KIF21A: variants seen among roughly 807,000 people sequenced by gnomAD.
KIF21A encodes the protein kinesin family member 21A.
Under a neutral mutation model 202.9 loss-of-function variants are expected in KIF21A, and 114 were observed. That is an observed-to-expected ratio of 0.56 (90% CI 0.48 to 0.66). KIF21A has a LOEUF of 0.66. Among genes scored for constraint, KIF21A ranks in the 30% least tolerant of loss-of-function variants. The pLI, the probability that KIF21A is intolerant of heterozygous loss-of-function variation, is 0.00. For synonymous variants in KIF21A, 667 were observed against 670.8 expected, an observed-to-expected ratio of 0.99 and a Z score of 0.09; for missense variants, 1,677 against 1,994.9, an observed-to-expected ratio of 0.84 and a Z score of 3.04.
intron 1 of KIF21A, among the ~76,000 whole-genome samples, chr12:39,404,137 T>A (rs1952393802): frequency 6.6e-6 from 1 of 152,112 alleles, no homozygotes; most frequent in Non-Finnish European, 1.5e-5. Flanking sequence ...GTGCAGTGGC[T>A]ATCCACAGAC....
Position 39,370,195 on chromosome 12 carries a change from T to C in KIF21A, c.111A>G (p.Gly37=). The C allele has an allele frequency of 5.6e-6, 9 of 1,613,786 alleles. No homozygotes were observed. Among genetic ancestry groups the C allele is most frequent in the Non-Finnish European group, 7.6e-6 (9 of 1,179,782 alleles). Residue 37 remains glycine (G), a synonymous_variant, in exon 2 of 38, where the codon GGA becomes GGG. Coordinates refer to ENST00000361418, the MANE Select transcript of KIF21A (RefSeq NM_001173464.2). ...CTTTCCCTAGGAAGACCTGAGGCTC[T>C]CCTGGTGTGACAGATGTACAAATAT... ...GCHICTSVTP[G]EPQVFLGKDK... is the part of the protein sequence containing the mutation.
intron 1 of KIF21A, among the ~76,000 whole-genome samples, chr12:39,438,581 A>C (rs868772121): frequency 1.3e-5 from 2 of 152,174 alleles, no homozygotes; most frequent in Non-Finnish European, 2.9e-5. Context: ...GGTAAGGTGA[A>C]AACCTAGCAA....
intron 26 of KIF21A, among the ~76,000 whole-genome samples, chr12:39,324,600 G>C (rs979554698): frequency 1.3e-5 from 2 of 152,144 alleles, no homozygotes; most frequent in African/African-American, 4.8e-5. Flanking sequence ...TTAATAATCC[G>C]TGAAATCTAT....
In KIF21A at chr12:39,443,043, C is replaced by T; in HGVS notation, c.-73G>A. On this transcript the variant is annotated 5_prime_UTR_variant, in exon 1 of 38. Transcript: ENST00000361418. Reference sequence around the variant, plus strand: ...CTGAGGCGCCACTGGGGCCGCGGGACTCGGGCGCAGTAGGCTGGGGCGTCT... The same window carrying T: ...CTGAGGCGCCACTGGGGCCGCGGGATTCGGGCGCAGTAGGCTGGGGCGTCT... The T allele has an allele frequency of 1.4e-6, 2 of 1,467,388 alleles. No individual in the cohort carries two copies. Among genetic ancestry groups the T allele is most frequent in the Non-Finnish European group, 1.8e-6 (2 of 1,110,410 alleles). The allele number at this position is 1,467,388 out of a possible 1,614,324, so 90.9% of individuals were successfully genotyped here.
Position 39,434,382 on chromosome 12 carries a change from G to T in KIF21A, c.44+8545C>A, listed in dbSNP as rs146066908. ...TCCACTTCCCAACATTGTTGCATAGGGGATTAGTTTCCGACACATGATCTT... is the reference window on the plus strand; with the variant it reads ...TCCACTTCCCAACATTGTTGCATAGTGGATTAGTTTCCGACACATGATCTT... On this transcript the variant is annotated intron_variant, in intron 1 of 37. Transcript: ENST00000361418. Among the ~76,000 whole-genome samples the T allele has an allele frequency of 5.1e-3, 770 of 152,276 alleles. 4 individuals carry two copies. The highest frequency in any genetic ancestry group is 6.2e-3 in the Non-Finnish European group (422 of 68,022).
intron 1 of KIF21A, among the ~76,000 whole-genome samples, chr12:39,383,162 G>A (rs1323748300): frequency 6.6e-6 from 1 of 152,350 alleles, no homozygotes; most frequent in East Asian, 1.9e-4. Flanking sequence ...TTTGACAAAT[G>A]TGCAAAATGC....
chr12:39,340,821 TA>T, intron 15 of KIF21A, 84 bp downstream of exon 15: 2 of 971,486 alleles, frequency 2.1e-6, no homozygotes, highest in South Asian at 1.5e-5. Context: ...ATACGGCTTC[TA>T]TTTTTTTTCT....
chr12:39,337,222 A>C lies in KIF21A; in HGVS notation c.2311-19T>G. On this transcript the variant is annotated intron_variant, in intron 16 of 37. Transcript: ENST00000361418. Reference sequence around the variant, plus strand: ...GGCGAACCTAACCAATTAGGTATAGACATCTATTGAAATTACTCTGTCACA... The same window carrying C: ...GGCGAACCTAACCAATTAGGTATAGCCATCTATTGAAATTACTCTGTCACA... The C allele has an allele frequency of 1.4e-6, 2 of 1,454,920 alleles. No homozygotes were observed. Among genetic ancestry groups the C allele is most frequent in the Non-Finnish European group, 1.9e-6 (2 of 1,037,296 alleles). The allele number at this position is 1,454,920 out of a possible 1,614,324, so 90.1% of individuals were successfully genotyped here. A position where few individuals can be genotyped will look rare whatever the true frequency, so the allele number is the denominator to read the frequency against.
chr12:39,362,972 A>G (rs1456557121), intron 7 of KIF21A, 126 bp downstream of exon 7: 2 of 669,940 alleles, frequency 3.0e-6, no homozygotes, highest in East Asian at 2.7e-5. Context: ...CCTTAACAGT[A>G]TAAGGATTAG....
At chr12:39,415,321 G>A (rs544942587) in intron 1 of KIF21A, among the ~76,000 whole-genome samples, 2 of 136,552 alleles carry the variant, frequency 1.5e-5, no homozygotes, top group African/African-American at 5.5e-5. Context: ...ATCACGGCAA[G>A]CTCCGCCTCC....
At chr12:39,297,044 G>A (rs1008169470) in intron 37 of KIF21A, among the ~76,000 whole-genome samples, 1 of 152,216 alleles carries the variant, frequency 6.6e-6, no homozygotes, top group African/African-American at 2.4e-5. Flanking sequence ...GAAGTGGTTA[G>A]ATTCTAGATA....
At chr12:39,351,720 T>A in intron 11 of KIF21A, 57 bp downstream of exon 11, 1 of 1,104,516 alleles carries the variant, frequency 9.1e-7, no homozygotes. Flanking sequence ...TAATTGCAAA[T>A]TAAAATACCC....
intron 30 of KIF21A, chr12:39,315,718 T>G: frequency 3.3e-6 from 2 of 607,220 alleles, no homozygotes; most frequent in Non-Finnish European, 3.0e-6. Flanking sequence ...TATCACAATT[T>G]TTAAACTATT....
intron 1 of KIF21A, among the ~76,000 whole-genome samples, chr12:39,395,842 C>CAAAA (rs747398067): frequency 3.5e-5 from 3 of 84,954 alleles, no homozygotes; most frequent in African/African-American, 4.7e-5. Flanking sequence ...GACTCCGTCT[C>CAAAA]AAAAAAAAAA....
In KIF21A at chr12:39,346,516, C is replaced by T. The variant is rs1185962336; in HGVS notation, c.1674-12G>A. 15 of 1,478,632 alleles carry T rather than the reference C, an allele frequency of 1.0e-5. No individual in the cohort carries two copies. Among genetic ancestry groups the T allele is most frequent in the South Asian group, 4.1e-5 (3 of 72,462 alleles). 91.6% of individuals were successfully genotyped at this position (1,478,632 alleles called of 1,614,324 possible). A position where few individuals can be genotyped will look rare whatever the true frequency, so the allele number is the denominator to read the frequency against. On this transcript the variant is annotated splice_polypyrimidine_tract_variant and intron_variant, in intron 11 of 37. Transcript: ENST00000361418. ...CAAGTTTCTGTAGCCTTCAAAATCA[C>T]GAGGCACAGTATTGGAAGGCCAAGC...
rs541779780 is a variant in KIF21A at position 39,417,519 on chromosome 12, G to A, written c.44+25408C>T. Among the ~76,000 whole-genome samples the A allele has an allele frequency of 1.2e-4, 19 of 152,158 alleles. No individual in the cohort carries two copies. The East Asian group carries it at 1.5e-3, about 12-fold the overall frequency. ...GGGAACAGTTATGTGAGGCTTCTTC[G>A]TATCACTTAGCAAATGTAGCATACA... On this transcript the variant is annotated intron_variant, in intron 1 of 37. Coordinates refer to ENST00000361418, the MANE Select transcript of KIF21A (RefSeq NM_001173464.2).
chr12:39,409,125 C>T (rs1172093043), intron 1 of KIF21A, among the ~76,000 whole-genome samples: 2 of 151,772 alleles, frequency 1.3e-5, no homozygotes, highest in Non-Finnish European at 2.9e-5. Flanking sequence ...CATGAATCAC[C>T]ACACCCAGCC....
intron 1 of KIF21A, among the ~76,000 whole-genome samples, chr12:39,437,496 T>C (rs1423594703): frequency 2.0e-5 from 3 of 152,184 alleles, no homozygotes; most frequent in Non-Finnish European, 1.5e-5. Flanking sequence ...TACAAAGACA[T>C]ATAAGTAGGG....
intron 29 of KIF21A, 23 bp downstream of exon 29, chr12:39,318,050 G>A: frequency 6.2e-7 from 1 of 1,605,956 alleles, no homozygotes. Context: ...AAATAATTGG[G>A]GCTCTTTTCC....
Sources: gnomAD v4.1 joint callset for allele counts (sites outside exome capture counted in the v4.1 genomes callset) on GRCh38, gnomAD v4.1.1 for gene constraint, MANE v1.5 for transcripts, NCBI Gene and HGNC (gene_info 2026-07-23, HGNC 2026-07-21) for gene names.